The following XKR4 variants were observed in gnomAD, a reference collection of about 807,000 sequenced individuals.
XKR4 encodes the protein XK related 4, also known as XK-related protein 4.
XKR4 carries 12 observed loss-of-function variants against 53.9 expected under a neutral mutation model. The ratio of observed to expected loss-of-function variants is 0.22; its 90% CI spans 0.14 to 0.36. XKR4 has a LOEUF of 0.36. XKR4 is among the 10% of genes least tolerant of loss of function. The pLI, the probability that XKR4 is intolerant of heterozygous loss-of-function variation, is 1.00. For missense variants in XKR4, 799 were observed against 859.5 expected (o/e 0.93, Z 0.88); for synonymous variants, 354 against 362.4 (o/e 0.98, Z 0.26).
At chr8:55,165,627 C>A (rs1327593101) in intron 1 of XKR4, among the ~76,000 whole-genome samples, 3 of 151,742 alleles carry the variant, frequency 2.0e-5, no homozygotes, top group Non-Finnish European at 4.4e-5. Context: ...ATCTCTTCAT[C>A]TGAAAATTCA....
At chr8:55,411,594 A>G (rs1029246076) in intron 2 of XKR4, among the ~76,000 whole-genome samples, 1 of 152,154 alleles carries the variant, frequency 6.6e-6, no homozygotes, top group Non-Finnish European at 1.5e-5. Context: ...GATTCCCAAA[A>G]CACGTTGTGG....
intron 1 of XKR4, among the ~76,000 whole-genome samples, chr8:55,220,991 T>C (rs1302015420): frequency 6.6e-6 from 1 of 152,250 alleles, no homozygotes; most frequent in East Asian, 1.9e-4. Flanking sequence ...CTGCAATCCA[T>C]GTCCAATGAT....
chr8:55,231,249 G>A (rs972779177), intron 1 of XKR4, among the ~76,000 whole-genome samples: 6 of 152,190 alleles, frequency 3.9e-5, no homozygotes, highest in African/African-American at 1.4e-4. Context: ...GGAATGAACT[G>A]AAGTACGTAC....
chr8:55,256,282 A>T (rs1259397270), intron 1 of XKR4, among the ~76,000 whole-genome samples: 1 of 152,288 alleles, frequency 6.6e-6, no homozygotes, highest in East Asian at 1.9e-4. Context: ...TTTATTCTGA[A>T]CTTTCACTGG....
chr8:55,468,587 G>C (rs1805815990), intron 2 of XKR4, among the ~76,000 whole-genome samples: 1 of 152,102 alleles, frequency 6.6e-6, no homozygotes, highest in Non-Finnish European at 1.5e-5. Flanking sequence ...AAATATTTCT[G>C]TGACAGAAAC....
chr8:55,364,803 T>A (rs1174878923), intron 2 of XKR4, among the ~76,000 whole-genome samples: 1 of 152,018 alleles, frequency 6.6e-6, no homozygotes, highest in East Asian at 1.9e-4. Flanking sequence ...CGACTAATTT[T>A]GTATTTTTAG....
chr8:55,500,129 G>A (rs75215721), intron 2 of XKR4, among the ~76,000 whole-genome samples: 1,594 of 147,904 alleles, frequency 0.011, 18 homozygotes, highest in Non-Finnish European at 0.016. Flanking sequence ...GCACGATGAG[G>A]AGCAAGCTAC....
At chr8:55,125,248 G>A (rs1235991382) in intron 1 of XKR4, among the ~76,000 whole-genome samples, 1 of 150,920 alleles carries the variant, frequency 6.6e-6, no homozygotes, top group Non-Finnish European at 1.5e-5. Flanking sequence ...TTTTTTTCTT[G>A]AGATGGAGTT....
chr8:55,161,314 A>G (rs947046826), intron 1 of XKR4, among the ~76,000 whole-genome samples: 1 of 152,222 alleles, frequency 6.6e-6, no homozygotes, highest in Non-Finnish European at 1.5e-5. Flanking sequence ...CCAGAAAAAA[A>G]AGAGATGCAG....
chr8:55,353,158 T>G (rs572383034), intron 1 of XKR4, among the ~76,000 whole-genome samples: 1 of 152,138 alleles, frequency 6.6e-6, no homozygotes, highest in Non-Finnish European at 1.5e-5. Flanking sequence ...CAAACACTGA[T>G]AGAAAAGTGT....
At chr8:55,489,100 G>A (rs1025538658) in intron 2 of XKR4, among the ~76,000 whole-genome samples, 10 of 152,132 alleles carry the variant, frequency 6.6e-5, no homozygotes, top group African/African-American at 2.2e-4. Context: ...CAAACCCATA[G>A]GATTTACAAC....
Position 55,102,749 on chromosome 8 carries a change from C to A in XKR4, c.261C>A (p.Gly87=). The change falls in exon 1 of 3, where the codon GGC becomes GGA. Residue 87 remains glycine, a synonymous_variant. Transcript: ENST00000327381. This position sits in a 1 kb window ranked among gnomAD's most constrained non-coding sequence, Gnocchi z 5.1. ...GCTCCGGCGGCGTCGCCGGCCCGGG[C>A]GGCGGCGGGGCGGGCTCGGCTGCGC... is the stretch of plus-strand genomic sequence containing the variant. ...SGGSGGVAGP[G]GGGAGSAALC... 8.1e-7 allele frequency: 1 copy of A among 1,239,978 alleles called. No homozygotes were observed. The highest frequency in any genetic ancestry group is 3.1e-5 in the East Asian group (1 of 31,810). The allele number at this position is 1,239,978 out of a possible 1,614,324, so 76.8% of individuals were successfully genotyped here. A position where few individuals can be genotyped will look rare whatever the true frequency, so the allele number is the denominator to read the frequency against.
Position 55,395,570 on chromosome 8 carries a change from G to T in XKR4, c.1006+37693G>T, listed in dbSNP as rs148743838. 3.2e-4 allele frequency among the ~76,000 whole-genome samples: 48 copies of T among 152,290 alleles called. No homozygotes were observed. In the East Asian group the frequency reaches 5.6e-3, roughly 18 times the overall value. ...AGTCTGGAATTCATAGATAGGTGAT[G>T]GGAAATCAGTGAGGGTCTTTGAGAG... On this transcript the variant is annotated intron_variant, in intron 2 of 2. Coordinates refer to ENST00000327381, the MANE Select transcript of XKR4 (RefSeq NM_052898.2).
intron 1 of XKR4, among the ~76,000 whole-genome samples, chr8:55,206,532 T>C (rs940436466): frequency 2.0e-5 from 3 of 152,188 alleles, no homozygotes; most frequent in African/African-American, 7.2e-5. Flanking sequence ...ACATTCTTTT[T>C]CCTTTTGCTC....
At chr8:55,385,389 C>T (rs1804293562) in intron 2 of XKR4, among the ~76,000 whole-genome samples, 1 of 152,176 alleles carries the variant, frequency 6.6e-6, no homozygotes, top group Admixed American at 6.5e-5. Context: ...CAAGAATTTG[C>T]ACATATATCA....
chr8:55,492,561 T>C (rs1439308906), intron 2 of XKR4, among the ~76,000 whole-genome samples: 2 of 152,202 alleles, frequency 1.3e-5, no homozygotes, highest in African/African-American at 4.8e-5. Flanking sequence ...ACTCACTGAG[T>C]ACTCTTTGTG....
chr8:55,130,525 T>G (rs1211093815), intron 1 of XKR4, among the ~76,000 whole-genome samples: 1 of 152,120 alleles, frequency 6.6e-6, no homozygotes, highest in Non-Finnish European at 1.5e-5. Context: ...AGGTGAGGAC[T>G]TCGGATTTTA....
At position 55,103,231 on chromosome 8, in the gene XKR4, G is replaced by A. The variant is rs73596944; in HGVS notation, c.743G>A (p.Cys248Tyr). Residue 248 changes from cysteine (C) to tyrosine (Y), a missense_variant, in exon 1 of 3, where the codon TGC becomes TAC. Physicochemically the swap from Cys to Tyr is radical, Grantham distance 194. This residue lies in a region of XKR4 where 476 missense variants were observed against 505.4 expected (regional missense o/e 0.94). Coordinates refer to ENST00000327381, the MANE Select transcript of XKR4 (RefSeq NM_052898.2). ...AGTGGCAAGCACAGGTCTGCGTCCTGCTCCTTCTGCATCTGGCTCCTGCAG... is the reference window on the plus strand; with the variant it reads ...AGTGGCAAGCACAGGTCTGCGTCCTACTCCTTCTGCATCTGGCTCCTGCAG... Reference protein sequence around the residue: ...RASGKHRSASCSFCIWLLQSL... With the variant: ...RASGKHRSASYSFCIWLLQSL... The A allele has an allele frequency of 6.2e-7, 1 of 1,613,958 alleles. No homozygotes were observed. The highest frequency in any genetic ancestry group is 1.1e-5 in the South Asian group (1 of 91,060).
chr8:55,425,471 A>G (rs1585567053), intron 2 of XKR4, among the ~76,000 whole-genome samples: 1 of 152,272 alleles, frequency 6.6e-6, no homozygotes, highest in East Asian at 1.9e-4. Context: ...TATTAGATTG[A>G]GATCTCCAGC....
Sources: gnomAD v4.1 joint callset for allele counts (sites outside exome capture counted in the v4.1 genomes callset) on GRCh38, gnomAD v4.1.1 for gene constraint, gnomAD v4.1.1 regional missense constraint, Gnocchi (gnomAD v3.1) non-coding constraint, MANE v1.5 for transcripts, NCBI Gene and HGNC (gene_info 2026-07-23, HGNC 2026-07-21) for gene names.